Variants in PHIP observed in about 807,000 individuals in gnomAD.
PHIP encodes the protein PH-interacting protein.
A neutral mutation model predicts 236.8 loss-of-function variants in PHIP; 54 were observed. The observed-to-expected ratio is 0.23, with a 90% CI of 0.18 to 0.29. PHIP has a LOEUF of 0.29. Among genes scored for constraint, PHIP ranks in the 10% least tolerant of loss-of-function variants. The pLI is 1.00. For synonymous variants in PHIP, 756 were observed against 718.9 expected (o/e 1.05, Z -0.83); for missense variants, 1,370 against 2,190.8 (o/e 0.63, Z 7.48).
intron 6 of PHIP, among the ~76,000 whole-genome samples, chr6:79,058,804 C>A (rs750685876): frequency 3.9e-5 from 6 of 152,060 alleles, no homozygotes; most frequent in Non-Finnish European, 8.8e-5. Context: ...GCCTGACTGA[C>A]AATGTACTGA....
At chr6:79,025,401 C>A (rs1475572863) in intron 9 of PHIP, 118 bp downstream of exon 9, 2 of 602,162 alleles carry the variant, frequency 3.3e-6, no homozygotes, top group African/African-American at 1.9e-5. Context: ...AAGAGGATTT[C>A]TATTATTTAC....
At chr6:79,029,274 A>G (rs1215344513) in intron 7 of PHIP, among the ~76,000 whole-genome samples, 1 of 152,174 alleles carries the variant, frequency 6.6e-6, no homozygotes, top group Non-Finnish European at 1.5e-5. Flanking sequence ...GGACTCCCGG[A>G]AGATTTTCCA....
chr6:79,026,062 A>T lies in PHIP; in HGVS notation c.703T>A (p.Tyr235Asn). 2 of 1,613,898 alleles carry T rather than the reference A, an allele frequency of 1.2e-6. No individual in the cohort carries two copies. Among genetic ancestry groups the T allele is most frequent in the Non-Finnish European group, 1.7e-6 (2 of 1,179,824 alleles). The change falls in exon 8 of 40, where the codon TAT becomes AAT. Residue 235 changes from tyrosine (Y) to asparagine (N), a missense_variant. Physicochemically the swap from Tyr to Asn is moderately radical, Grantham distance 143. Around this residue, in one of 14 missense-constraint regions of PHIP, gnomAD observed 3 missense variants for 35.3 expected, o/e 0.08. Transcript: ENST00000275034. Reference sequence around the variant, plus strand: ...CCAGCTGCTATCATGGTATTCTCATAGTTTACAGCCATGTCTGATATTTCA... The same window carrying T: ...CCAGCTGCTATCATGGTATTCTCATTGTTTACAGCCATGTCTGATATTTCA... Reference protein sequence around the residue: ...AAEISDMAVNYENTMIAAGSC... With the variant: ...AAEISDMAVNNENTMIAAGSC...
chr6:79,046,903 TA>T (rs747732821), intron 6 of PHIP, among the ~76,000 whole-genome samples: 3,459 of 109,470 alleles, frequency 0.032, 85 homozygotes, highest in African/African-American at 0.085. Flanking sequence ...GTTTAAGAAT[TA>T]AAAAAAAAAA....
intron 7 of PHIP, among the ~76,000 whole-genome samples, chr6:79,035,711 T>C (rs1317342716): frequency 6.6e-6 from 1 of 152,204 alleles, no homozygotes; most frequent in Non-Finnish European, 1.5e-5. Context: ...GTTGTCTGTA[T>C]TGTCATATTT....
intron 9 of PHIP, among the ~76,000 whole-genome samples, chr6:79,021,716 T>C (rs945352571): frequency 2.0e-5 from 3 of 152,092 alleles, no homozygotes; most frequent in East Asian, 1.9e-4. Context: ...ATGGCTATTA[T>C]AGGCTGGGAA....
chr6:79,025,499 G>T lies in PHIP; in HGVS notation c.923+20C>A. 3 of 1,416,144 alleles carry T rather than the reference G, an allele frequency of 2.1e-6. No homozygotes were observed. The highest frequency in any genetic ancestry group is 2.0e-6 in the Non-Finnish European group (2 of 1,001,392). 87.7% of individuals were successfully genotyped at this position (1,416,144 alleles called of 1,614,324 possible). On this transcript the variant is annotated intron_variant, in intron 9 of 39. Transcript: ENST00000275034. ...ATTAAACTAAACACATTTAATCTAT[G>T]AAATAAAATAGAAACTGACTTTATT... is the stretch of plus-strand genomic sequence containing the variant.
At chr6:79,073,312 C>A (rs974072046) in intron 4 of PHIP, among the ~76,000 whole-genome samples, 1 of 151,644 alleles carries the variant, frequency 6.6e-6, no homozygotes, top group Non-Finnish European at 1.5e-5. Flanking sequence ...CATCATATAA[C>A]CCTTCACGCC....
intron 33 of PHIP, 132 bp downstream of exon 33, chr6:78,955,481 G>GTTT: frequency 6.6e-6 from 3 of 453,578 alleles, no homozygotes; most frequent in South Asian, 3.8e-5. Flanking sequence ...ACTGCCAGTT[G>GTTT]TTTTTTTTTT....
chr6:79,075,379 T>C (rs937297333), intron 4 of PHIP, among the ~76,000 whole-genome samples: 2 of 152,138 alleles, frequency 1.3e-5, no homozygotes, highest in Admixed American at 1.3e-4. Flanking sequence ...CAAGTTCTAA[T>C]AAGATTTCTA....
intron 7 of PHIP, among the ~76,000 whole-genome samples, chr6:79,026,817 T>G (rs976357736): frequency 6.6e-6 from 1 of 151,746 alleles, no homozygotes; most frequent in Non-Finnish European, 1.5e-5. Flanking sequence ...AAAATAGAGA[T>G]AGAACATTCA....
chr6:79,076,473 A>G (rs532752333), intron 4 of PHIP, among the ~76,000 whole-genome samples: 213 of 152,354 alleles, frequency 1.4e-3, no homozygotes, highest in African/African-American at 4.7e-3. Flanking sequence ...TTTAGGAGAA[A>G]GTGTTACAGA....
At chr6:79,030,863 A>G (rs1771636261) in intron 7 of PHIP, among the ~76,000 whole-genome samples, 1 of 152,208 alleles carries the variant, frequency 6.6e-6, no homozygotes, top group South Asian at 2.1e-4. Context: ...TTAAAATCAA[A>G]TTATTGTGCT....
intron 19 of PHIP, among the ~76,000 whole-genome samples, chr6:78,991,865 TA>T (rs1426863840): frequency 6.6e-6 from 1 of 151,234 alleles, no homozygotes; most frequent in African/African-American, 2.4e-5. Context: ...TTTTTTTTTT[TA>T]AATTAAACTT....
intron 24 of PHIP, among the ~76,000 whole-genome samples, chr6:78,973,294 G>A (rs1767754845): frequency 6.6e-6 from 1 of 151,034 alleles, no homozygotes; most frequent in Admixed American, 6.6e-5. Flanking sequence ...ATAAGTGAAG[G>A]AGAAATAAAA....
At chr6:79,036,970 C>T (rs1035595824) in intron 7 of PHIP, among the ~76,000 whole-genome samples, 1 of 150,756 alleles carries the variant, frequency 6.6e-6, no homozygotes, top group African/African-American at 2.4e-5. Flanking sequence ...CTTGATACCC[C>T]ATTACCTCTA....
chr6:79,002,464 A>G (rs763330568), intron 16 of PHIP, among the ~76,000 whole-genome samples: 2 of 152,082 alleles, frequency 1.3e-5, no homozygotes, highest in Non-Finnish European at 2.9e-5. Flanking sequence ...TAAACAACTC[A>G]TAAGTTTAAC....
In PHIP at chr6:78,988,209, A is replaced by C; in HGVS notation, c.2460T>G (p.Asp820Glu). ...EEIENGSSSS[D>E]EGEVVAVSGG... is the part of the protein sequence containing the mutation. ...ATTTATGAATGTGCTGATATCTTAC[A>C]TCTGAAGAACTACTGCCATTTTCTA... is the stretch of plus-strand genomic sequence containing the variant. Residue 820 changes from aspartate to glutamate, a missense_variant and splice_region_variant, in exon 21 of 40, where the codon GAT becomes GAG. Around this residue, in one of 14 missense-constraint regions of PHIP, gnomAD observed 99 missense variants for 110.0 expected, o/e 0.90. Coordinates refer to ENST00000275034, the MANE Select transcript of PHIP (RefSeq NM_017934.7). 1 of 1,568,920 alleles carries C rather than the reference A, an allele frequency of 6.4e-7. No individual in the cohort carries two copies. Among genetic ancestry groups the C allele is most frequent in the South Asian group, 1.2e-5 (1 of 82,054 alleles).
At chr6:79,059,326 T>G (rs1773236544) in intron 6 of PHIP, among the ~76,000 whole-genome samples, 2 of 151,704 alleles carry the variant, frequency 1.3e-5, no homozygotes, top group Admixed American at 1.3e-4. Flanking sequence ...GCAAGACAAA[T>G]TTTTAAAAAA....
Sources: gnomAD v4.1 joint callset for allele counts (sites outside exome capture counted in the v4.1 genomes callset) on GRCh38, gnomAD v4.1.1 for gene constraint, gnomAD v4.1.1 regional missense constraint, MANE v1.5 for transcripts, NCBI Gene and HGNC (gene_info 2026-07-23, HGNC 2026-07-21) for gene names.